Variants in PGBD5 observed in about 807,000 individuals in gnomAD.
PGBD5 encodes the protein piggyBac transposable element-derived protein 5.
Under a neutral mutation model 47.9 loss-of-function variants are expected in PGBD5, and 14 were observed. The observed-to-expected ratio is 0.29, with a 90% confidence interval of 0.19 to 0.46. PGBD5 has a LOEUF of 0.46. PGBD5 is among the 20% of genes least tolerant of loss of function. The pLI, the probability that PGBD5 is intolerant of heterozygous loss-of-function variation, is 1.00. For missense variants in PGBD5, 635 were observed against 716.0 expected (o/e 0.89, Z 1.29); for synonymous variants, 316 against 306.3 (o/e 1.03, Z -0.33).
intron 1 of PGBD5, among the ~76,000 whole-genome samples, chr1:230,381,477 C>T (rs898445389): frequency 3.9e-5 from 6 of 152,232 alleles, no homozygotes; most frequent in African/African-American, 1.4e-4. Context: ...TCTCACGCTG[C>T]AGTGGACCAG....
intron 1 of PGBD5, among the ~76,000 whole-genome samples, chr1:230,420,562 C>G (rs1350559916): frequency 6.6e-6 from 1 of 152,174 alleles, no homozygotes; most frequent in Non-Finnish European, 1.5e-5. Context: ...GTTCTCGTGA[C>G]AGTGAGTGAA....
chr1:230,350,553 G>A (rs1172823681), intron 3 of PGBD5, among the ~76,000 whole-genome samples: 1 of 152,236 alleles, frequency 6.6e-6, no homozygotes, highest in African/African-American at 2.4e-5. Flanking sequence ...GGCCTTCTGG[G>A]ACAGCCTTAA....
At chr1:230,419,035 G>T (rs1657587998) in intron 1 of PGBD5, among the ~76,000 whole-genome samples, 1 of 152,192 alleles carries the variant, frequency 6.6e-6, no homozygotes, top group Non-Finnish European at 1.5e-5. Context: ...TGAACAATTT[G>T]ACCCAGCCAT....
intron 1 of PGBD5, among the ~76,000 whole-genome samples, chr1:230,420,887 A>T (rs1231738357): frequency 1.3e-5 from 2 of 152,232 alleles, no homozygotes; most frequent in Non-Finnish European, 2.9e-5. Flanking sequence ...GTCCTTAAAA[A>T]CAAAGGCGTG....
intron 1 of PGBD5, among the ~76,000 whole-genome samples, chr1:230,373,650 A>G (rs907770941): frequency 6.6e-6 from 1 of 152,214 alleles, no homozygotes; most frequent in African/African-American, 2.4e-5. Flanking sequence ...TAAAATGTTC[A>G]TATTTTTTGA....
rs1656589888 is a variant in PGBD5 at position 230,384,529 on chromosome 1, C to T, written c.332-27208G>A. Among the ~76,000 whole-genome samples the T allele has an allele frequency of 2.0e-5, 3 of 152,326 alleles. No homozygotes were observed. The South Asian group carries it at 6.2e-4, about 32-fold the overall frequency. ...CTACCTGCTGAGCACCCACCGAGCA[C>T]TGGGCACGCGCTGGACAGCAGCCAT... On this transcript the variant is annotated intron_variant, in intron 1 of 6. Coordinates refer to ENST00000391860, the MANE Select transcript of PGBD5 (RefSeq NM_001258311.2).
intron 1 of PGBD5, among the ~76,000 whole-genome samples, chr1:230,412,245 A>G (rs1323066467): frequency 6.6e-6 from 1 of 152,222 alleles, no homozygotes; most frequent in African/African-American, 2.4e-5. Context: ...GTTGACCCCA[A>G]CCCAGTTGAA....
rs183274470 is a variant in PGBD5, at chr1:230,356,944, C to T, written c.709G>A (p.Asp237Asn). 16 of 1,614,128 alleles carry T rather than the reference C, an allele frequency of 9.9e-6. No homozygotes were observed. The highest frequency in any genetic ancestry group is 4.4e-5 in the South Asian group (4 of 91,066). The change falls in exon 2 of 7, where the codon GAC becomes AAC. Residue 237 changes from aspartate to asparagine, a missense_variant. Asp to Asn is a conservative substitution (Grantham distance 23, BLOSUM62 1). Transcript: ENST00000391860. ...HGLYKVQPFL[D>N]SLQNSFDSAF... ...GAGTCGAAGCTGTTCTGCAGGGAGT[C>T]GAGGAAGGGCTGGACCTTGTAGAGC...
chr1:230,372,879 C>T (rs773415332), intron 1 of PGBD5, among the ~76,000 whole-genome samples: 1 of 152,184 alleles, frequency 6.6e-6, no homozygotes, highest in East Asian at 1.9e-4. Context: ...CCCACCTCCT[C>T]CCCTGGCCCA....
At position 230,394,441 on chromosome 1, in the gene PGBD5, C is replaced by T. The variant is rs933925170; in HGVS notation, c.331+31157G>A. 3.0e-4 allele frequency among the ~76,000 whole-genome samples: 45 copies of T among 148,264 alleles called. 1 individual carries two copies. Among genetic ancestry groups the T allele is most frequent in the African/African-American group, 1.1e-3 (45 of 39,700 alleles). On this transcript the variant is annotated intron_variant, in intron 1 of 6. Transcript: ENST00000391860. ...CACCCCACCTCTGCTCCCCAAGCCC[C>T]TCCCTGTGCTGCTCCTCCCCCTAGT...
At chr1:230,343,203 C>G (rs1469715343) in intron 3 of PGBD5, among the ~76,000 whole-genome samples, 4 of 152,236 alleles carry the variant, frequency 2.6e-5, no homozygotes, top group African/African-American at 7.2e-5. Flanking sequence ...TTCAGCACCG[C>G]TGACCCCTGT....
In PGBD5 at chr1:230,419,360, G is replaced by A. The variant is rs566022676; in HGVS notation, c.331+6238C>T. Among the ~76,000 whole-genome samples, 8 of 113,778 alleles carry A rather than the reference G, an allele frequency of 7.0e-5. No individual in the cohort carries two copies. In the East Asian group the frequency reaches 2.9e-3, roughly 41 times the overall value. The allele number at this position is 113,778 out of a possible 152,430, so 74.6% of individuals were successfully genotyped here. A position where few individuals can be genotyped will look rare whatever the true frequency, so the allele number is the denominator to read the frequency against. On this transcript the variant is annotated intron_variant, in intron 1 of 6. Coordinates refer to ENST00000391860, the MANE Select transcript of PGBD5 (RefSeq NM_001258311.2). ...CTTAGAAATGGGAGTTAAACATTGG[G>A]TACACATGGACATGAAGATGGCAAA... is the stretch of plus-strand genomic sequence containing the variant.
chr1:230,337,833 G>C (rs896216623), intron 3 of PGBD5, among the ~76,000 whole-genome samples: 2 of 152,176 alleles, frequency 1.3e-5, no homozygotes, highest in Non-Finnish European at 2.9e-5. Context: ...GGCCAACAAA[G>C]AGGATGTGTG....
chr1:230,316,065 TATAC>T lies in PGBD5; in HGVS notation c.*7356_*7359del, dbSNP rs915509740. 1.5e-5 allele frequency: 2 copies of T among 135,184 alleles called. No individual in the cohort carries two copies. The highest frequency in any genetic ancestry group is 2.7e-5 in the African/African-American group (1 of 36,840). The allele number at this position is 135,184 out of a possible 1,614,324, so 8.4% of individuals were successfully genotyped here. Reference sequence around the variant, plus strand: ...ATATGTGTACACATATATGTATGTGTATACATACATGTTTATGTGTATACATACA... The same window carrying T: ...ATATGTGTACACATATATGTATGTGTATACATGTTTATGTGTATACATACA... On this transcript the variant is annotated 3_prime_UTR_variant, in exon 7 of 7. Transcript: ENST00000391860.
intron 1 of PGBD5, chr1:230,377,673 C>G: frequency 6.9e-7 from 1 of 1,448,266 alleles, no homozygotes; most frequent in Non-Finnish European, 9.1e-7. Context: ...CCCACACAGC[C>G]TTCATTTCCC....
At chr1:230,338,189 TTA>T (rs1215888629) in intron 3 of PGBD5, among the ~76,000 whole-genome samples, 1 of 152,326 alleles carries the variant, frequency 6.6e-6, no homozygotes, top group South Asian at 2.1e-4. Flanking sequence ...ATGCTGTGTA[TTA>T]TGTTTTTTAA....
intron 5 of PGBD5, among the ~76,000 whole-genome samples, chr1:230,328,764 C>A (rs1269822718): frequency 1.3e-5 from 2 of 152,240 alleles, no homozygotes; most frequent in African/African-American, 4.8e-5. Context: ...TGAATCAAGA[C>A]CTGACTCATA....
At chr1:230,334,953 C>T (rs921746711) in intron 4 of PGBD5, among the ~76,000 whole-genome samples, 3 of 150,744 alleles carry the variant, frequency 2.0e-5, no homozygotes, top group African/African-American at 7.4e-5. Context: ...GGAACCATAT[C>T]GATGGCCCGG....
Position 230,425,584 on chromosome 1 carries a change from G to T in PGBD5, c.331+14C>A. The T allele has an allele frequency of 8.2e-7, 1 of 1,219,138 alleles. No individual in the cohort carries two copies. Among genetic ancestry groups the T allele is most frequent in the East Asian group, 3.3e-5 (1 of 30,578 alleles). The allele number at this position is 1,219,138 out of a possible 1,614,324, so 75.5% of individuals were successfully genotyped here. A position where few individuals can be genotyped will look rare whatever the true frequency, so the allele number is the denominator to read the frequency against. On this transcript the variant is annotated intron_variant, in intron 1 of 6. Coordinates refer to ENST00000391860, the MANE Select transcript of PGBD5 (RefSeq NM_001258311.2). The surrounding 1 kb of genome is among the most constrained non-coding windows in gnomAD (Gnocchi z 4.7). ...AGCGCCGCCCCCGACATCCACCCGC[G>T]GGCAGCCCCTTACCGCCGGTATCCT...
Sources: allele counts gnomAD v4.1 joint callset (sites outside exome capture counted in the v4.1 genomes callset), GRCh38; gene constraint gnomAD v4.1.1; non-coding constraint Gnocchi (gnomAD v3.1); transcripts MANE v1.5; gene names NCBI Gene and HGNC (gene_info 2026-07-23, HGNC 2026-07-21).